The following MYZAP variants were observed in gnomAD, a reference collection of about 807,000 sequenced individuals.
MYZAP encodes myocardial zonula adherens protein.
Under a neutral mutation model 69.4 loss-of-function variants are expected in MYZAP, and 66 were observed. The observed-to-expected ratio is 0.95, with a 90% CI of 0.78 to 1.17. The LOEUF is 1.17. MYZAP is among the 50% of genes most tolerant of loss of function. MYZAP has a pLI of 0.00. For synonymous variants in MYZAP, 256 were observed against 205.9 expected, an observed-to-expected ratio of 1.24 and a Z score of -2.09; for missense variants, 611 against 556.2, an observed-to-expected ratio of 1.10 and a Z score of -0.99.
At chr15:57,640,871 C>A (rs1319890078) in intron 10 of MYZAP, among the ~76,000 whole-genome samples, 1 of 152,180 alleles carries the variant, frequency 6.6e-6, no homozygotes, top group South Asian at 2.1e-4. Flanking sequence ...TGCATCCAGG[C>A]AGGAGCACTG....
At chr15:57,596,110 G>T (rs974882609) in intron 1 of MYZAP, among the ~76,000 whole-genome samples, 5 of 152,196 alleles carry the variant, frequency 3.3e-5, no homozygotes, top group Non-Finnish European at 7.4e-5. Context: ...CTGGAGACTC[G>T]TAAGGAAACT....
intron 1 of MYZAP, 67 bp downstream of exon 1, chr15:57,592,176 A>G: frequency 8.2e-7 from 1 of 1,225,282 alleles, no homozygotes; most frequent in Non-Finnish European, 1.0e-6. Context: ...TCTAGAGGGG[A>G]CTAGGGATGG....
intron 1 of MYZAP, among the ~76,000 whole-genome samples, chr15:57,593,153 T>C (rs1314791690): frequency 2.1e-5 from 2 of 96,910 alleles, no homozygotes; most frequent in African/African-American, 4.0e-5. Flanking sequence ...TGTGTGTGCG[T>C]GCACTCACCA....
rs111242839 is a variant in MYZAP, at chr15:57,684,085, C to T, written c.1305-317C>T. Among the ~76,000 whole-genome samples, 573 of 151,798 alleles carry T rather than the reference C, an allele frequency of 3.8e-3. 9 individuals are homozygous for T. Among genetic ancestry groups the T allele is most frequent in the African/African-American group, 0.013 (539 of 41,446 alleles). On this transcript the variant is annotated intron_variant, in intron 12 of 12. Coordinates refer to ENST00000267853, the MANE Select transcript of MYZAP (RefSeq NM_001018100.5). ...CTGGGATTACAGGCGTGAGCCACCA[C>T]GCTGGGCCTGGGGCCTCTCTCATAA...
At chr15:57,609,147 T>G (rs1008776789) in intron 2 of MYZAP, among the ~76,000 whole-genome samples, 12 of 152,106 alleles carry the variant, frequency 7.9e-5, no homozygotes, top group Non-Finnish European at 1.5e-4. Context: ...AGAAATGAGG[T>G]TGAGTCTTTT....
At chr15:57,650,181 C>T (rs755257917) in intron 10 of MYZAP, among the ~76,000 whole-genome samples, 7 of 152,174 alleles carry the variant, frequency 4.6e-5, no homozygotes, top group Non-Finnish European at 1.0e-4. Context: ...TCGCTTTCGT[C>T]AAGCTGGAGT....
At chr15:57,613,627 T>A (rs1272077398) in intron 2 of MYZAP, among the ~76,000 whole-genome samples, 1 of 152,158 alleles carries the variant, frequency 6.6e-6, no homozygotes, top group Non-Finnish European at 1.5e-5. Context: ...TGCCTTGGCC[T>A]CCCAAAGTGC....
Position 57,634,228 on chromosome 15 carries a change from A to G in MYZAP, c.933+487A>G, listed in dbSNP as rs1227160486. Among the ~76,000 whole-genome samples the G allele has an allele frequency of 2.0e-5, 3 of 152,104 alleles. No homozygotes were observed. In the East Asian group the frequency reaches 5.8e-4, roughly 29 times the overall value. On this transcript the variant is annotated intron_variant, in intron 8 of 12. Transcript: ENST00000267853. ...TGAGGAAGGCGGGAGCTCAGCTGGG[A>G]TAATGAAGCCTGTCTAGTGAAAGGG...
At chr15:57,604,228 A>T (rs1270109032) in intron 1 of MYZAP, 41 bp from the exon 2 acceptor site, 7 of 1,608,682 alleles carry the variant, frequency 4.4e-6, no homozygotes, top group Non-Finnish European at 5.9e-6. Flanking sequence ...TCTGCCCCAA[A>T]TGCTGACTCC....
chr15:57,629,960 T>C, intron 6 of MYZAP, 106 bp downstream of exon 6: 1 of 1,293,026 alleles, frequency 7.7e-7, no homozygotes, highest in Non-Finnish European at 1.0e-6. Flanking sequence ...CTCCATTCTC[T>C]TCTTCATTGG....
chr15:57,618,904 G>C (rs1192486771), intron 3 of MYZAP, among the ~76,000 whole-genome samples: 1 of 152,154 alleles, frequency 6.6e-6, no homozygotes, highest in Non-Finnish European at 1.5e-5. Context: ...ACACTGATGG[G>C]CTCACATTAC....
chr15:57,680,515 A>ACACACACATG (rs796592403), intron 12 of MYZAP, among the ~76,000 whole-genome samples: 2 of 149,988 alleles, frequency 1.3e-5, no homozygotes, highest in African/African-American at 5.0e-5. Flanking sequence ...ACACACACAC[A>ACACACACATG]CAAATGTATG....
chr15:57,646,916 G>A (rs1181695709), intron 10 of MYZAP: 2 of 985,280 alleles, frequency 2.0e-6, no homozygotes, highest in Admixed American at 6.2e-5. Flanking sequence ...TTTTTATAGA[G>A]GTCTTTCTTG....
In MYZAP at chr15:57,636,438, G is replaced by A. The variant is rs372439181; in HGVS notation, c.934-1257G>A. Among the ~76,000 whole-genome samples, 310 of 152,312 alleles carry A rather than the reference G, an allele frequency of 2.0e-3. 2 individuals carry two copies. Among genetic ancestry groups the A allele is most frequent in the Middle Eastern group, 0.014 (4 of 294 alleles). On this transcript the variant is annotated intron_variant, in intron 8 of 12. Coordinates refer to ENST00000267853, the MANE Select transcript of MYZAP (RefSeq NM_001018100.5). ...TATACCACTGCTTATAGCTTCAGAA[G>A]TTGTGGCAGTTAAATTTTCAAAGAT...
intron 11 of MYZAP, among the ~76,000 whole-genome samples, chr15:57,668,051 A>G (rs1367018500): frequency 6.6e-6 from 1 of 152,236 alleles, no homozygotes; most frequent in African/African-American, 2.4e-5. Flanking sequence ...ATGGAATCAT[A>G]TAGCATGCCC....
intron 4 of MYZAP, among the ~76,000 whole-genome samples, chr15:57,622,821 A>G (rs1323100607): frequency 1.3e-5 from 2 of 152,218 alleles, no homozygotes; most frequent in Non-Finnish European, 2.9e-5. Context: ...ATTATGATAT[A>G]AAATCCCAAA....
In MYZAP at chr15:57,685,301, C is replaced by T. The variant is rs2039639203; in HGVS notation, c.*803C>T. ...AATGAATCATCTGTTCATGCATGCT[C>T]TACTTTGATATTATAACCTATGTCA... On this transcript the variant is annotated 3_prime_UTR_variant, in exon 13 of 13. Coordinates refer to ENST00000267853, the MANE Select transcript of MYZAP (RefSeq NM_001018100.5). 1 of 152,142 alleles carries T rather than the reference C, an allele frequency of 6.6e-6. No homozygotes were observed. Among genetic ancestry groups the T allele is most frequent in the East Asian group, 1.9e-4 (1 of 5,208 alleles). 9.4% of individuals were successfully genotyped at this position (152,142 alleles called of 1,614,324 possible).
intron 6 of MYZAP, among the ~76,000 whole-genome samples, chr15:57,630,987 A>G (rs1291504853): frequency 1.1e-4 from 17 of 152,122 alleles, no homozygotes; most frequent in African/African-American, 4.1e-4. Flanking sequence ...CGGTCTCTGT[A>G]TTGCCGCCCT....
At chr15:57,604,466 T>C in intron 2 of MYZAP, 111 bp downstream of exon 2, 1 of 1,160,210 alleles carries the variant, frequency 8.6e-7, no homozygotes, top group Non-Finnish European at 1.2e-6. Flanking sequence ...TGCACCTCTG[T>C]TGAGGAGAAG....
Sources: allele counts gnomAD v4.1 joint callset (sites outside exome capture counted in the v4.1 genomes callset), GRCh38; gene constraint gnomAD v4.1.1; transcripts MANE v1.5; gene names NCBI Gene and HGNC (gene_info 2026-07-23, HGNC 2026-07-21).